Variants in KCNIP1 observed in about 807,000 individuals in gnomAD.
KCNIP1 encodes potassium voltage-gated channel interacting protein 1, also known as A-type potassium channel modulatory protein KCNIP1.
KCNIP1 carries 18 observed loss-of-function variants against 33.0 expected under a neutral mutation model. The ratio of observed to expected loss-of-function variants is 0.55; its 90% CI spans 0.38 to 0.81. The LOEUF (loss-of-function observed/expected upper bound fraction) is 0.81. KCNIP1 is among the 30% of genes least tolerant of loss of function. KCNIP1 has a pLI of 0.00. For missense variants in KCNIP1, 238 were observed against 271.6 expected, an observed-to-expected ratio of 0.88 and a Z score of 0.87; for synonymous variants, 93 against 98.3, an observed-to-expected ratio of 0.95 and a Z score of 0.32.
intron 1 of KCNIP1, among the ~76,000 whole-genome samples, chr5:170,554,028 G>A (rs879553084): frequency 2.6e-5 from 4 of 152,216 alleles, no homozygotes; most frequent in South Asian, 2.1e-4. Flanking sequence ...TACATGTCCT[G>A]TCTAAGGAAA....
At chr5:170,660,321 A>G (rs1368047492) in intron 1 of KCNIP1, among the ~76,000 whole-genome samples, 1 of 152,160 alleles carries the variant, frequency 6.6e-6, no homozygotes, top group African/African-American at 2.4e-5. Context: ...ACCATACCAA[A>G]GAAAATGGAA....
intron 1 of KCNIP1, chr5:170,389,452 C>G (rs904244401): frequency 6.6e-6 from 1 of 152,118 alleles, no homozygotes; most frequent in African/African-American, 2.4e-5. Context: ...GAGCACACAG[C>G]CTGGAGACAC....
At chr5:170,408,617 G>A (rs188345061) in intron 1 of KCNIP1, among the ~76,000 whole-genome samples, 24 of 152,318 alleles carry the variant, frequency 1.6e-4, no homozygotes, top group Admixed American at 1.1e-3. Context: ...CTTCTCGGGC[G>A]ATGAGAGAAA....
At chr5:170,598,539 C>T (rs1339345276) in intron 1 of KCNIP1, among the ~76,000 whole-genome samples, 1 of 152,078 alleles carries the variant, frequency 6.6e-6, no homozygotes. Context: ...AGCAAACCCC[C>T]AGAAAAAAGC....
In KCNIP1 at chr5:170,516,966, TTGTGATGGTGG is replaced by T. The variant is rs1239532918; in HGVS notation, c.61+12347_61+12357del. On this transcript the variant is annotated intron_variant, in intron 1 of 7. Coordinates refer to ENST00000328939, the MANE Select transcript of KCNIP1 (RefSeq NM_014592.4). ...ATTTTGATAGTGGTGGTGATGATGT[TTGTGATGGTGG>T]TGTGATGGTGGTGATGGGGATGGTG... Among the ~76,000 whole-genome samples the T allele has an allele frequency of 3.9e-5, 6 of 152,208 alleles. No individual in the cohort carries two copies. In the South Asian group the frequency reaches 1.2e-3, roughly 32 times the overall value.
chr5:170,400,910 G>A (rs957193200), intron 1 of KCNIP1, among the ~76,000 whole-genome samples: 1 of 152,328 alleles, frequency 6.6e-6, no homozygotes, highest in East Asian at 1.9e-4. Flanking sequence ...CAGTGTAAGT[G>A]GAGAACTAAA....
chr5:170,551,832 G>A (rs910549448), intron 1 of KCNIP1, among the ~76,000 whole-genome samples: 1 of 151,742 alleles, frequency 6.6e-6, no homozygotes, highest in African/African-American at 2.4e-5. Flanking sequence ...ATGTTTGAGT[G>A]TACGTGTTAG....
chr5:170,633,449 G>A (rs1760141578), intron 1 of KCNIP1, among the ~76,000 whole-genome samples: 2 of 151,196 alleles, frequency 1.3e-5, no homozygotes, highest in Non-Finnish European at 2.9e-5. Flanking sequence ...ATATGCAGAT[G>A]TCTGGGAGGA....
intron 1 of KCNIP1, among the ~76,000 whole-genome samples, chr5:170,643,995 G>C (rs185985345): frequency 6.6e-6 from 1 of 152,190 alleles, no homozygotes; most frequent in Non-Finnish European, 1.5e-5. Flanking sequence ...TCCCCTCAGC[G>C]TTTCCTTCTC....
At chr5:170,550,199 T>A (rs969234333) in intron 1 of KCNIP1, among the ~76,000 whole-genome samples, 11 of 152,026 alleles carry the variant, frequency 7.2e-5, no homozygotes, top group Admixed American at 6.6e-4. Flanking sequence ...TTTATTGACA[T>A]AACTGTACCC....
intron 1 of KCNIP1, among the ~76,000 whole-genome samples, chr5:170,386,024 G>T (rs314115): frequency 0.091 from 13,804 of 151,742 alleles, 773 homozygotes; most frequent in East Asian, 0.2. Flanking sequence ...TACAGGGGAG[G>T]CTGAGGCAGG....
At chr5:170,439,935 C>A (rs543866747) in intron 1 of KCNIP1, among the ~76,000 whole-genome samples, 2 of 152,300 alleles carry the variant, frequency 1.3e-5, no homozygotes, top group Admixed American at 1.3e-4. Flanking sequence ...CGGCCATCCC[C>A]GTGCCACAGG....
chr5:170,477,625 G>A (rs1756886213), intron 1 of KCNIP1, among the ~76,000 whole-genome samples: 1 of 152,038 alleles, frequency 6.6e-6, no homozygotes, highest in Non-Finnish European at 1.5e-5. Context: ...GTATTTTTTA[G>A]TAGAGACACA....
At chr5:170,727,614 G>C (rs1481466066) in intron 5 of KCNIP1, among the ~76,000 whole-genome samples, 1 of 152,158 alleles carries the variant, frequency 6.6e-6, no homozygotes, top group Non-Finnish European at 1.5e-5. Flanking sequence ...CCAAAATATA[G>C]ATTACAAATC....
At chr5:170,390,326 C>T (rs10066171) in intron 1 of KCNIP1, among the ~76,000 whole-genome samples, 30,616 of 150,308 alleles carry the variant, frequency 0.2, 3,231 homozygotes, top group Admixed American at 0.25. Flanking sequence ...GGCAACATGG[C>T]GAAACCCCAT....
At chr5:170,666,721 T>A (rs1048197482) in intron 1 of KCNIP1, among the ~76,000 whole-genome samples, 25 of 152,200 alleles carry the variant, frequency 1.6e-4, no homozygotes, top group Non-Finnish European at 8.8e-5. Context: ...CCAAGGGATA[T>A]CATGGGCCCT....
At chr5:170,510,548 AG>A (rs1362350558) in intron 1 of KCNIP1, among the ~76,000 whole-genome samples, 1 of 152,200 alleles carries the variant, frequency 6.6e-6, no homozygotes, top group African/African-American at 2.4e-5. Flanking sequence ...TTTAGAAAAG[AG>A]AGAGAGAGCC....
chr5:170,470,649 C>T (rs1052746080), intron 1 of KCNIP1, among the ~76,000 whole-genome samples: 1 of 152,172 alleles, frequency 6.6e-6, no homozygotes, highest in Admixed American at 6.5e-5. Flanking sequence ...TAAATTAATA[C>T]ATGGAGACTA....
At chr5:170,671,075 C>T (rs1761903717) in intron 1 of KCNIP1, among the ~76,000 whole-genome samples, 1 of 152,090 alleles carries the variant, frequency 6.6e-6, no homozygotes, top group African/African-American at 2.4e-5. Flanking sequence ...GAAGTTCATA[C>T]CCCACAATCT....
Sources: allele counts gnomAD v4.1 joint callset (sites outside exome capture counted in the v4.1 genomes callset), GRCh38; gene constraint gnomAD v4.1.1; transcripts MANE v1.5; gene names NCBI Gene and HGNC (gene_info 2026-07-23, HGNC 2026-07-21).